The following DNAH11 variants were observed in gnomAD, a reference collection of about 807,000 sequenced individuals.
DNAH11 encodes the protein dynein axonemal heavy chain 11.
In DNAH11, 442 loss-of-function variants were observed where a neutral mutation model predicts 526.0. The ratio of observed to expected loss-of-function variants is 0.84; its 90% CI spans 0.78 to 0.91. The LOEUF (loss-of-function observed/expected upper bound fraction) is 0.91, where lower values mean the gene tolerates loss of function less well. DNAH11 is among the 40% of genes least tolerant of loss of function. The pLI, the probability that DNAH11 is intolerant of heterozygous loss-of-function variation, is 0.00. For missense variants in DNAH11, 6,989 were observed against 5,448.7 expected, an observed-to-expected ratio of 1.28 and a Z score of -8.90; for synonymous variants, 2,461 against 1,935.9, an observed-to-expected ratio of 1.27 and a Z score of -7.12.
chr7:21,867,025 T>G (rs968213804), intron 71 of DNAH11, among the ~76,000 whole-genome samples: 2 of 152,246 alleles, frequency 1.3e-5, no homozygotes, highest in African/African-American at 4.8e-5. Flanking sequence ...GATGGCATTT[T>G]GGTTCTGAAG....
chr7:21,581,902 C>T lies in DNAH11; in HGVS notation c.1594-3C>T. The T allele has an allele frequency of 6.4e-7, 1 of 1,568,542 alleles. No homozygotes were observed. The highest frequency in any genetic ancestry group is 1.1e-5 in the South Asian group (1 of 87,816). On this transcript the variant is annotated splice_region_variant and splice_polypyrimidine_tract_variant and intron_variant, in intron 8 of 81. Coordinates refer to ENST00000409508, the MANE Select transcript of DNAH11 (RefSeq NM_001277115.2). ...TACTAATATTTCACTTTGAATTTTA[C>T]AGGAGTTTGAAAGTGATTATGTGGC...
chr7:21,606,315 C>T lies in DNAH11; in HGVS notation c.3649-111C>T, dbSNP rs2893044. The T allele has an allele frequency of 2.6e-3, 2,334 of 914,966 alleles. 53 individuals carry two copies. The Admixed American group carries it at 0.037, about 14-fold the overall frequency. The allele number at this position is 914,966 out of a possible 1,614,324, so 56.7% of individuals were successfully genotyped here. ...TCCAGCCTAGGGGATAGAGCCAGAC[C>T]TTGTCTCAAGAGAAAAAAAAAAAAG... On this transcript the variant is annotated intron_variant, in intron 18 of 81. Transcript: ENST00000409508.
At chr7:21,816,228 A>G (rs1003866231) in intron 63 of DNAH11, among the ~76,000 whole-genome samples, 7 of 152,172 alleles carry the variant, frequency 4.6e-5, no homozygotes, top group African/African-American at 1.7e-4. Context: ...AGCCCAGTAG[A>G]TGCAGTTGAT....
intron 75 of DNAH11, 130 bp downstream of exon 75, chr7:21,881,023 T>C (rs372125517): frequency 1.2e-6 from 1 of 826,004 alleles, no homozygotes; most frequent in Non-Finnish European, 1.8e-6. Context: ...TGTATGTATC[T>C]TCTGCCAAGT....
At position 21,617,778 on chromosome 7, in the gene DNAH11, G is replaced by A. The variant is rs2128453160; in HGVS notation, c.4254+1G>A. The stretch of plus-strand genomic sequence containing the variant: ...GCACCAGCTGATGAAAGCTATTGGG[G>A]TCAGTATCCTTGGTCTCACTAATGA... On this transcript the variant is annotated splice_donor_variant, in intron 23 of 81. Coordinates refer to ENST00000409508, the MANE Select transcript of DNAH11 (RefSeq NM_001277115.2). LOFTEE classifies it high-confidence loss of function. The A allele has an allele frequency of 6.3e-7, 1 of 1,590,000 alleles. No individual in the cohort carries two copies. The highest frequency in any genetic ancestry group is 8.6e-7 in the Non-Finnish European group (1 of 1,169,582).
chr7:21,745,276 A>G (rs1422339791), intron 51 of DNAH11, among the ~76,000 whole-genome samples: 2 of 152,230 alleles, frequency 1.3e-5, no homozygotes, highest in African/African-American at 2.4e-5. Context: ...ATGCCATCAT[A>G]TCCATTATTT....
Position 21,638,966 on chromosome 7 carries a change from T to C in DNAH11, c.4845T>C (p.Ala1615=). The change falls in exon 28 of 82, where the codon GCT becomes GCC. Residue 1615 remains alanine, a synonymous_variant. Coordinates refer to ENST00000409508, the MANE Select transcript of DNAH11 (RefSeq NM_001277115.2). ...TTTCTCTTTGTGAAAAAGCTCTCGC[T>C]GAATACCTGGAAACCAAGCGCATAG... ...SRLSLCEKAL[A]EYLETKRIAF... is the part of the protein sequence containing the mutation. 2 of 1,612,112 alleles carry C rather than the reference T, an allele frequency of 1.2e-6. No homozygotes were observed. The highest frequency in any genetic ancestry group is 1.7e-6 in the Non-Finnish European group (2 of 1,179,366).
intron 65 of DNAH11, among the ~76,000 whole-genome samples, chr7:21,821,847 T>G (rs190667245): frequency 6.2e-4 from 95 of 152,234 alleles, no homozygotes; most frequent in African/African-American, 2.3e-3. Context: ...CTTTTCCTTA[T>G]CTTCCACCTC....
intron 30 of DNAH11, among the ~76,000 whole-genome samples, chr7:21,671,789 A>G (rs1347817204): frequency 6.6e-6 from 1 of 152,188 alleles, no homozygotes; most frequent in East Asian, 1.9e-4. Context: ...ATTTAAAGGA[A>G]CTTTTATAAC....
Position 21,687,250 on chromosome 7 carries a change from T to C in DNAH11, c.5773T>C (p.Tyr1925His). The C allele has an allele frequency of 6.3e-7, 1 of 1,579,392 alleles. No homozygotes were observed. The highest frequency in any genetic ancestry group is 1.4e-5 in the African/African-American group (1 of 73,746). Residue 1925 changes from tyrosine (Y) to histidine (H), a missense_variant, in exon 33 of 82, where the codon TAC (tyrosine) becomes CAC (histidine). Physicochemically the swap from Tyr to His is moderately conservative, Grantham distance 83. Transcript: ENST00000409508. ...ATTCAACTGTTCAGAGCAAATGGAC[T>C]ACAAAGTAAGTTAGTAAGAGAATAA... ...YVFNCSEQMD[Y>H]KSIGNIYKGL... is the part of the protein sequence containing the mutation.
chr7:21,835,001 T>C lies in DNAH11; in HGVS notation c.10692-7543T>C, dbSNP rs1487305922. On this transcript the variant is annotated intron_variant, in intron 65 of 81. Coordinates refer to ENST00000409508, the MANE Select transcript of DNAH11 (RefSeq NM_001277115.2). ...TATGAACAAGTATATGCCAACAAAA[T>C]AGAAAACCTAGAAGAACTGGATAAA... Among the ~76,000 whole-genome samples the C allele has an allele frequency of 3.9e-5, 6 of 151,918 alleles. No homozygotes were observed. In the East Asian group the frequency reaches 1.2e-3, roughly 29 times the overall value.
At chr7:21,762,431 T>C (rs1786963664) in intron 54 of DNAH11, among the ~76,000 whole-genome samples, 1 of 152,206 alleles carries the variant, frequency 6.6e-6, no homozygotes, top group South Asian at 2.1e-4. Flanking sequence ...GCTAACATTA[T>C]GTGTAAATGA....
In DNAH11 at chr7:21,861,259, T is replaced by G. The variant is rs539174257; in HGVS notation, c.11203-594T>G. Among the ~76,000 whole-genome samples the G allele has an allele frequency of 3.3e-5, 5 of 152,354 alleles. No individual in the cohort carries two copies. The South Asian group carries it at 1.0e-3, about 32-fold the overall frequency. ...TGGATTTAGCTTTTCTTGTTCCTCT[T>G]TGGGAGCTATTTGTGTTAGTATGGA... On this transcript the variant is annotated intron_variant, in intron 68 of 81. Transcript: ENST00000409508.
Position 21,570,205 on chromosome 7 carries a change from A to G in DNAH11, c.1331A>G (p.Tyr444Cys). ...AACTATAGAAAAAAATTGGCAAGCT[A>G]CTTTATGGGAAGAAAGCTGAGACCA... is the stretch of plus-strand genomic sequence containing the variant. ...FFNYRKKLAS[Y>C]FMGRKLRPWD... Residue 444 changes from tyrosine (Y) to cysteine (C), a missense_variant, in exon 7 of 82, where the codon TAC (tyrosine) becomes TGC (cysteine). Physicochemically the swap from Tyr to Cys is radical, Grantham distance 194. Transcript: ENST00000409508. 4 of 1,613,488 alleles carry G rather than the reference A, an allele frequency of 2.5e-6. No individual in the cohort carries two copies. Among genetic ancestry groups the G allele is most frequent in the Non-Finnish European group, 3.4e-6 (4 of 1,179,716 alleles).
chr7:21,855,690 C>T (rs562736288), intron 68 of DNAH11, among the ~76,000 whole-genome samples: 6 of 152,288 alleles, frequency 3.9e-5, no homozygotes, highest in Admixed American at 2.0e-4. Context: ...GGGCAGTGCT[C>T]ATTCATTCTG....
chr7:21,900,220 C>G (rs1035660592), intron 81 of DNAH11, 100 bp downstream of exon 81: 2 of 1,283,040 alleles, frequency 1.6e-6, no homozygotes, highest in East Asian at 2.5e-5. Context: ...CTCACTCACA[C>G]AGTAACCTTA....
chr7:21,801,190 TG>T lies in DNAH11; in HGVS notation c.10081del (p.Glu3361ArgfsTer9). On this transcript the variant is annotated frameshift_variant, in exon 62 of 82. Coordinates refer to ENST00000409508, the MANE Select transcript of DNAH11 (RefSeq NM_001277115.2). LOFTEE classifies it high-confidence loss of function. ...LTASFEKATA[E>X]KVRCQEEVNQ... is the part of the protein sequence containing the mutation. Reference sequence around the variant, plus strand: ...CGGCTTCATTTGAAAAAGCAACAGCTGAGAAAGTCCGGTGTCAAGAAGAGGT... The same window carrying T: ...CGGCTTCATTTGAAAAAGCAACAGCTAGAAAGTCCGGTGTCAAGAAGAGGT... The T allele has an allele frequency of 6.2e-7, 1 of 1,613,202 alleles. No homozygotes were observed. Among genetic ancestry groups the T allele is most frequent in the Non-Finnish European group, 8.5e-7 (1 of 1,179,550 alleles).
intron 6 of DNAH11, among the ~76,000 whole-genome samples, chr7:21,565,476 A>G (rs1336734692): frequency 6.6e-6 from 1 of 152,192 alleles, no homozygotes; most frequent in Non-Finnish European, 1.5e-5. Context: ...TTCCCTGAGC[A>G]GTTAGGAGGA....
chr7:21,710,320 A>G (rs1487373606), intron 40 of DNAH11, among the ~76,000 whole-genome samples: 1 of 152,178 alleles, frequency 6.6e-6, no homozygotes, highest in Non-Finnish European at 1.5e-5. Context: ...TCTGTTTGGC[A>G]TATGGGAAGC....
Sources: allele counts gnomAD v4.1 joint callset (sites outside exome capture counted in the v4.1 genomes callset), GRCh38; gene constraint gnomAD v4.1.1; transcripts MANE v1.5; gene names NCBI Gene and HGNC (gene_info 2026-07-23, HGNC 2026-07-21).